The following GPC5 variants were observed in gnomAD, a reference collection of about 807,000 sequenced individuals.
GPC5 encodes glypican-5.
In GPC5, 47 loss-of-function variants were observed where a neutral mutation model predicts 53.9. That is an observed-to-expected ratio of 0.87 (90% CI 0.69 to 1.11). The LOEUF (loss-of-function observed/expected upper bound fraction) is 1.11. Ranked by LOEUF, GPC5 falls within the 50% of genes most tolerant of loss-of-function variation. The probability of loss-of-function intolerance (pLI) is 0.00; values close to 1 mark genes in which losing one functional copy is unlikely to be tolerated. For missense variants in GPC5, 748 were observed against 713.1 expected (o/e 1.05, Z -0.56); for synonymous variants, 286 against 263.3 (o/e 1.09, Z -0.84).
intron 1 of GPC5, among the ~76,000 whole-genome samples, chr13:91,399,735 C>T (rs542421517): frequency 2.8e-4 from 42 of 152,276 alleles, no homozygotes; most frequent in African/African-American, 9.1e-4. Context: ...ACCCTGTGCA[C>T]CCAGAGACGT....
At chr13:92,341,073 A>G (rs1196976079) in intron 7 of GPC5, among the ~76,000 whole-genome samples, 20 of 152,152 alleles carry the variant, frequency 1.3e-4, no homozygotes, top group Non-Finnish European at 4.4e-5. Flanking sequence ...TGCTGGCAAC[A>G]TGATGAAAAT....
rs561965935 is a variant in GPC5, at chr13:91,665,822, T to C, written c.326-27365T>C. ...GCCTGGCCAAAGACAGTCATTTGAG[T>C]TCAGGTGTTAGATACCCACCCTTGG... On this transcript the variant is annotated intron_variant, in intron 2 of 7. Transcript: ENST00000377067. Among the ~76,000 whole-genome samples, 4 of 152,212 alleles carry C rather than the reference T, an allele frequency of 2.6e-5. No individual in the cohort carries two copies. In the East Asian group the frequency reaches 7.7e-4, roughly 29 times the overall value.
At chr13:91,854,159 C>A (rs2038943104) in intron 5 of GPC5, among the ~76,000 whole-genome samples, 1 of 151,680 alleles carries the variant, frequency 6.6e-6, no homozygotes, top group Admixed American at 6.6e-5. Flanking sequence ...ATTCTATAAA[C>A]AGTTATAGTA....
chr13:92,094,952 T>C (rs945277685), intron 6 of GPC5, among the ~76,000 whole-genome samples: 7 of 152,192 alleles, frequency 4.6e-5, no homozygotes, highest in African/African-American at 1.7e-4. Flanking sequence ...ATATTCCCAT[T>C]TGTAAATGTA....
chr13:91,791,113 A>G lies in GPC5; in HGVS notation c.1280+34693A>G, dbSNP rs117008577. Reference sequence around the variant, plus strand: ...TGATTTTAAAATTAAAAGCCGTGAGACCCAGAATAAATGTGGTTCACAGAG... The same window carrying G: ...TGATTTTAAAATTAAAAGCCGTGAGGCCCAGAATAAATGTGGTTCACAGAG... On this transcript the variant is annotated intron_variant, in intron 5 of 7. Transcript: ENST00000377067. Among the ~76,000 whole-genome samples the G allele has an allele frequency of 4.1e-4, 62 of 152,328 alleles. 1 individual carries two copies. In the East Asian group the frequency reaches 0.01, roughly 26 times the overall value.
intron 7 of GPC5, among the ~76,000 whole-genome samples, chr13:92,383,638 C>A (rs2043768609): frequency 1.3e-5 from 2 of 152,116 alleles, no homozygotes; most frequent in South Asian, 4.1e-4. Context: ...TTTTAGTCAA[C>A]AATCTGTTTC....
Position 92,455,267 on chromosome 13 carries a change from A to C in GPC5, c.1561+310278A>C, listed in dbSNP as rs192213094. On this transcript the variant is annotated intron_variant, in intron 7 of 7. Transcript: ENST00000377067. ...ATATGCTATGACCATTCATAAATAT[A>C]GTTATAATATGTCAGCTTATCTCAG... 4.5e-4 allele frequency among the ~76,000 whole-genome samples: 68 copies of C among 152,350 alleles called. No homozygotes were observed. In the East Asian group the frequency reaches 0.01, roughly 23 times the overall value.
chr13:92,492,957 G>A (rs1169249984), intron 7 of GPC5, among the ~76,000 whole-genome samples: 2 of 152,104 alleles, frequency 1.3e-5, no homozygotes, highest in Admixed American at 6.6e-5. Flanking sequence ...TCACCCTGAG[G>A]CTGACTTCAG....
chr13:92,039,431 G>A (rs1168820577), intron 6 of GPC5, among the ~76,000 whole-genome samples: 1 of 152,082 alleles, frequency 6.6e-6, no homozygotes, highest in Admixed American at 6.5e-5. Flanking sequence ...TGTAACTGTT[G>A]GAAATTTTAC....
chr13:91,448,229 G>A (rs1433563668), intron 1 of GPC5, among the ~76,000 whole-genome samples: 1 of 152,162 alleles, frequency 6.6e-6, no homozygotes, highest in African/African-American at 2.4e-5. Flanking sequence ...GGCCCATGGG[G>A]GCCTTGATCT....
chr13:92,567,725 T>C (rs1469128600), intron 7 of GPC5, among the ~76,000 whole-genome samples: 1 of 152,146 alleles, frequency 6.6e-6, no homozygotes, highest in Non-Finnish European at 1.5e-5. Context: ...AATTTTCCTT[T>C]GGCGCTTCCA....
chr13:92,777,924 A>G (rs1269514157), intron 7 of GPC5, among the ~76,000 whole-genome samples: 3 of 152,194 alleles, frequency 2.0e-5, no homozygotes, highest in Admixed American at 6.5e-5. Context: ...ATAAAATCTT[A>G]AAGTTTGCTT....
intron 2 of GPC5, among the ~76,000 whole-genome samples, chr13:91,475,724 A>T (rs553593799): frequency 1.3e-5 from 2 of 152,288 alleles, no homozygotes; most frequent in East Asian, 3.9e-4. Context: ...GACTCTTCTT[A>T]CAGTTGTTGG....
chr13:92,260,898 A>G (rs2042762032), intron 7 of GPC5, among the ~76,000 whole-genome samples: 1 of 152,174 alleles, frequency 6.6e-6, no homozygotes, highest in Admixed American at 6.6e-5. Context: ...GTTTGCATGA[A>G]AAGCTAAATG....
At chr13:92,364,469 G>A (rs12867205) in intron 7 of GPC5, among the ~76,000 whole-genome samples, 1,541 of 151,876 alleles carry the variant, frequency 0.01, 30 homozygotes, top group Middle Eastern at 0.048. Flanking sequence ...GGTGGCTTAC[G>A]CCTGTAATCC....
intron 7 of GPC5, among the ~76,000 whole-genome samples, chr13:92,702,075 G>C (rs1375052303): frequency 6.6e-6 from 1 of 152,116 alleles, no homozygotes; most frequent in African/African-American, 2.4e-5. Flanking sequence ...ATGGAAGGGA[G>C]AGTAGCTTGC....
chr13:91,813,933 T>G (rs1327167084), intron 5 of GPC5, among the ~76,000 whole-genome samples: 1 of 117,490 alleles, frequency 8.5e-6, no homozygotes, highest in East Asian at 3.9e-4. Flanking sequence ...TTTTTTTTTT[T>G]TTTTTTTTTT....
chr13:91,507,132 T>A (rs539010020), intron 2 of GPC5, among the ~76,000 whole-genome samples: 1 of 152,226 alleles, frequency 6.6e-6, no homozygotes, highest in Admixed American at 6.5e-5. Flanking sequence ...CAGATTTACT[T>A]CTCATAGCTC....
intron 6 of GPC5, among the ~76,000 whole-genome samples, chr13:92,021,838 C>T (rs1205307816): frequency 6.6e-6 from 1 of 152,036 alleles, no homozygotes; most frequent in Admixed American, 6.6e-5. Context: ...TTCAGATTTT[C>T]CCTTTCTCTT....
Sources: allele counts gnomAD v4.1 joint callset (sites outside exome capture counted in the v4.1 genomes callset), GRCh38; gene constraint gnomAD v4.1.1; transcripts MANE v1.5; gene names NCBI Gene and HGNC (gene_info 2026-07-23, HGNC 2026-07-21).